CCSER1: variants seen among roughly 807,000 people sequenced by gnomAD.
CCSER1 encodes serine-rich coiled-coil domain-containing protein 1.
In CCSER1, 41 loss-of-function variants were observed where a neutral mutation model predicts 82.0. That is an observed-to-expected ratio of 0.50 (90% CI 0.39 to 0.65). CCSER1 has a LOEUF of 0.65. Among genes scored for constraint, CCSER1 ranks in the 30% least tolerant of loss-of-function variants. The probability of loss-of-function intolerance (pLI) is 0.00; values close to 1 mark genes in which losing one functional copy is unlikely to be tolerated. For synonymous variants in CCSER1, 414 were observed against 383.9 expected, an observed-to-expected ratio of 1.08 and a Z score of -0.92; for missense variants, 1,119 against 1,064.2, an observed-to-expected ratio of 1.05 and a Z score of -0.72.
chr4:90,211,065 T>G (rs1739899906), intron 1 of CCSER1, among the ~76,000 whole-genome samples: 1 of 152,220 alleles, frequency 6.6e-6, no homozygotes, highest in Non-Finnish European at 1.5e-5. Flanking sequence ...TTCATAGGCA[T>G]TTTTGTTTTA....
At chr4:90,827,981 G>A (rs902212346) in intron 8 of CCSER1, among the ~76,000 whole-genome samples, 2 of 152,114 alleles carry the variant, frequency 1.3e-5, no homozygotes, top group Non-Finnish European at 2.9e-5. Context: ...AAATGAATGG[G>A]CCCTCAGAAG....
At chr4:91,247,793 G>A (rs539425080) in intron 10 of CCSER1, among the ~76,000 whole-genome samples, 4 of 152,242 alleles carry the variant, frequency 2.6e-5, no homozygotes, top group Non-Finnish European at 4.4e-5. Flanking sequence ...ACTCAAACCT[G>A]GCAGTTGGAG....
rs993060799 is a variant in CCSER1, at chr4:91,115,812, T to C, written c.2217+29818T>C. Among the ~76,000 whole-genome samples, 264 of 97,968 alleles carry C rather than the reference T, an allele frequency of 2.7e-3. 3 individuals carry two copies. The East Asian group carries it at 0.072, about 27-fold the overall frequency. The allele number at this position is 97,968 out of a possible 152,430, so 64.3% of individuals were successfully genotyped here. A position where few individuals can be genotyped will look rare whatever the true frequency, so the allele number is the denominator to read the frequency against. On this transcript the variant is annotated intron_variant, in intron 10 of 10. Transcript: ENST00000509176. ...CTGCCTATCCTAGCTTTTTCTTTTT[T>C]TTTTTTTTTTTTTCAAATTTCCATT... is the stretch of plus-strand genomic sequence containing the variant.
chr4:91,043,876 C>T (rs377269340), intron 9 of CCSER1, among the ~76,000 whole-genome samples: 60 of 152,246 alleles, frequency 3.9e-4, no homozygotes, highest in African/African-American at 1.4e-3. Context: ...TCGTGAGCAA[C>T]CACGCCTGGC....
intron 10 of CCSER1, among the ~76,000 whole-genome samples, chr4:91,257,791 C>T (rs1740811826): frequency 6.6e-6 from 1 of 152,064 alleles, no homozygotes; most frequent in Non-Finnish European, 1.5e-5. Context: ...AAAGGATATG[C>T]AGATGTTTCT....
chr4:90,785,451 G>A (rs1419189519), intron 7 of CCSER1, among the ~76,000 whole-genome samples: 1 of 152,180 alleles, frequency 6.6e-6, no homozygotes, highest in East Asian at 1.9e-4. Context: ...TAAAGTTCAA[G>A]TGGCAATGGA....
intron 9 of CCSER1, among the ~76,000 whole-genome samples, chr4:90,950,671 A>G (rs909806316): frequency 6.6e-6 from 1 of 152,118 alleles, no homozygotes; most frequent in Non-Finnish European, 1.5e-5. Context: ...CTTTTTAACA[A>G]GCATATATGG....
intron 10 of CCSER1, among the ~76,000 whole-genome samples, chr4:91,513,246 A>C (rs1759921684): frequency 2.0e-5 from 3 of 152,026 alleles, no homozygotes; most frequent in Admixed American, 2.0e-4. Flanking sequence ...TTTAGTTTTT[A>C]ATTCTGCTTA....
intron 10 of CCSER1, among the ~76,000 whole-genome samples, chr4:91,361,086 G>A (rs1227681543): frequency 7.0e-6 from 1 of 142,022 alleles, no homozygotes; most frequent in Non-Finnish European, 1.6e-5. Context: ...CACAGAGGGG[G>A]AGGAAATGGC....
chr4:90,145,044 C>A (rs1725541842), intron 1 of CCSER1, among the ~76,000 whole-genome samples: 1 of 152,034 alleles, frequency 6.6e-6, no homozygotes, highest in Admixed American at 6.6e-5. Flanking sequence ...ATTATAAAAG[C>A]ATGATGGCCC....
Position 91,491,326 on chromosome 4 carries a change from G to A in CCSER1, c.2218-107246G>A, listed in dbSNP as rs967376574. ...TCAGAGGCAAGTTATCAAACCTAGC[G>A]AGTCAGTAAACCTCTGTAAAATTAA... On this transcript the variant is annotated intron_variant, in intron 10 of 10. Coordinates refer to ENST00000509176, the MANE Select transcript of CCSER1 (RefSeq NM_001145065.2). Among the ~76,000 whole-genome samples, 4 of 151,966 alleles carry A rather than the reference G, an allele frequency of 2.6e-5. No homozygotes were observed. In the East Asian group the frequency reaches 7.8e-4, roughly 30 times the overall value.
chr4:90,774,738 C>G (rs1016838775), intron 7 of CCSER1, among the ~76,000 whole-genome samples: 1 of 152,002 alleles, frequency 6.6e-6, no homozygotes, highest in Admixed American at 6.6e-5. Flanking sequence ...GTAATGTTTT[C>G]CAGGCATGCT....
intron 10 of CCSER1, among the ~76,000 whole-genome samples, chr4:91,404,850 G>A (rs1752589463): frequency 6.6e-6 from 1 of 152,222 alleles, no homozygotes; most frequent in Non-Finnish European, 1.5e-5. Flanking sequence ...GCAATGAGGT[G>A]ATGAGAAGAA....
rs547724864 is a variant in CCSER1 at position 90,833,734 on chromosome 4, C to T, written c.2094+17889C>T. 7.9e-5 allele frequency among the ~76,000 whole-genome samples: 12 copies of T among 152,258 alleles called. No individual in the cohort carries two copies. In the East Asian group the frequency reaches 2.3e-3, roughly 29 times the overall value. ...AAACAAACAAACCCTTTTCCTGTGGCTTGAATGTGTCCCTCAAAAGTTGGT... is the reference window on the plus strand; with the variant it reads ...AAACAAACAAACCCTTTTCCTGTGGTTTGAATGTGTCCCTCAAAAGTTGGT... On this transcript the variant is annotated intron_variant, in intron 8 of 10. Transcript: ENST00000509176.
intron 6 of CCSER1, among the ~76,000 whole-genome samples, chr4:90,632,313 A>G (rs1724598033): frequency 6.6e-6 from 1 of 152,064 alleles, no homozygotes; most frequent in Admixed American, 6.6e-5. Context: ...CTGTAATTGC[A>G]TTACTTATTA....
intron 8 of CCSER1, among the ~76,000 whole-genome samples, chr4:90,849,979 C>T (rs1321372872): frequency 1.3e-5 from 2 of 152,052 alleles, no homozygotes; most frequent in East Asian, 3.9e-4. Context: ...AAAATGGTTT[C>T]ATGGGCTGGG....
intron 6 of CCSER1, among the ~76,000 whole-genome samples, chr4:90,682,090 T>C (rs972175923): frequency 6.6e-6 from 1 of 151,990 alleles, no homozygotes; most frequent in Non-Finnish European, 1.5e-5. Flanking sequence ...AGCTTTCTCC[T>C]ACCACTTTTG....
intron 8 of CCSER1, among the ~76,000 whole-genome samples, chr4:90,920,567 AT>A (rs1432392276): frequency 6.6e-6 from 1 of 151,896 alleles, no homozygotes; most frequent in Non-Finnish European, 1.5e-5. Flanking sequence ...GCTAATAGTA[AT>A]TCATTTTTCT....
At chr4:90,572,381 T>C (rs1322436216) in intron 5 of CCSER1, among the ~76,000 whole-genome samples, 1 of 152,194 alleles carries the variant, frequency 6.6e-6, no homozygotes, top group East Asian at 1.9e-4. Context: ...TACATCTTTA[T>C]TCAGGTTTGG....
Sources: allele counts gnomAD v4.1 joint callset (sites outside exome capture counted in the v4.1 genomes callset), GRCh38; gene constraint gnomAD v4.1.1; transcripts MANE v1.5; gene names NCBI Gene and HGNC (gene_info 2026-07-23, HGNC 2026-07-21).